Variants in PLXNA1 observed in about 807,000 individuals in gnomAD.
The protein encoded by PLXNA1 is plexin-A1.
PLXNA1 carries 77 observed loss-of-function variants against 191.7 expected under a neutral mutation model. The observed-to-expected ratio is 0.40, with a 90% confidence interval of 0.33 to 0.49. The LOEUF (loss-of-function observed/expected upper bound fraction) is 0.49. Among genes scored for constraint, PLXNA1 ranks in the 20% least tolerant of loss-of-function variants. PLXNA1 has a pLI of 0.63. For synonymous variants in PLXNA1, 1,137 were observed against 1,156.4 expected (o/e 0.98, Z 0.34); for missense variants, 2,110 against 2,660.2 (o/e 0.79, Z 4.55).
intron 31 of PLXNA1, among the ~76,000 whole-genome samples, chr3:127,033,089 G>C (rs2079220662): frequency 6.6e-6 from 1 of 152,236 alleles, no homozygotes; most frequent in African/African-American, 2.4e-5. Context: ...TGGGATGGCA[G>C]CTTCTTCCTG....
intron 9 of PLXNA1, 27 bp downstream of exon 9, chr3:127,007,940 G>C: frequency 6.7e-7 from 1 of 1,495,644 alleles, no homozygotes; most frequent in Non-Finnish European, 9.3e-7. Context: ...GTGAGGGTCA[G>C]GTTTTCAGAG....
Position 127,022,326 on chromosome 3 carries a change from A to G in PLXNA1, c.4280A>G (p.Lys1427Arg), listed in dbSNP as rs1319833116. The G allele has an allele frequency of 6.2e-7, 1 of 1,610,582 alleles. No individual in the cohort carries two copies. Among genetic ancestry groups the G allele is most frequent in the African/African-American group, 1.3e-5 (1 of 74,864 alleles). The change falls in exon 22 of 32, where the codon AAG (lysine) becomes AGG (arginine). Residue 1427 changes from lysine (K) to arginine (R), a missense_variant. This residue lies in a region of PLXNA1 where 559 missense variants were observed against 911.5 expected (regional missense o/e 0.61). Coordinates refer to ENST00000393409, the MANE Select transcript of PLXNA1 (RefSeq NM_032242.4). ...EKNLESKNHP[K>R]LLLRRTESVA... is the part of the protein sequence containing the mutation. ...AACCTGGAGAGCAAGAACCACCCCA[A>G]GCTGCTACTGCGCCGGTGAGCCTGG...
intron 22 of PLXNA1, 125 bp from the exon 23 acceptor site, chr3:127,022,627 C>T (rs1404771886): frequency 5.4e-6 from 5 of 929,504 alleles, no homozygotes; most frequent in Non-Finnish European, 8.5e-6. Context: ...CTTTCGAGAC[C>T]TGACCTTCGG....
chr3:126,985,500 C>G (rs867367225), intron 1 of PLXNA1, among the ~76,000 whole-genome samples: 1 of 151,952 alleles, frequency 6.6e-6, no homozygotes, highest in Non-Finnish European at 1.5e-5. Flanking sequence ...TTCTGCCCCC[C>G]ACCCCCACCA....
intron 25 of PLXNA1, 135 bp downstream of exon 25, chr3:127,028,475 C>T (rs2079188324): frequency 8.0e-6 from 8 of 996,212 alleles, no homozygotes; most frequent in East Asian, 7.9e-5. Flanking sequence ...AGTGGAATGG[C>T]GAGTGGGCTG....
rs575050762 is a variant in PLXNA1 at position 127,020,651 on chromosome 3, G to T, written c.4038+307G>T. On this transcript the variant is annotated intron_variant, in intron 21 of 31. Coordinates refer to ENST00000393409, the MANE Select transcript of PLXNA1 (RefSeq NM_032242.4). ...TCTGGCCCCAGGGCCTCCGTGGGAT[G>T]CCAGGCCTCATCCCAGCAAACCACT... 9.3e-4 allele frequency among the ~76,000 whole-genome samples: 141 copies of T among 152,342 alleles called. 1 individual carries two copies. Among genetic ancestry groups the T allele is most frequent in the African/African-American group, 3.4e-3 (140 of 41,588 alleles).
chr3:127,012,299 C>T (rs1166287484), intron 10 of PLXNA1, 141 bp downstream of exon 10: 2 of 877,232 alleles, frequency 2.3e-6, no homozygotes, highest in Non-Finnish European at 3.5e-6. Context: ...GAAGCCACTC[C>T]TGGCTTCCCC....
At position 126,989,243 on chromosome 3, in the gene PLXNA1, G is replaced by A. The variant is rs755703199; in HGVS notation, c.650G>A (p.Gly217Asp). The A allele has an allele frequency of 1.9e-6, 3 of 1,613,682 alleles. No individual in the cohort carries two copies. The highest frequency in any genetic ancestry group is 1.1e-5 in the South Asian group (1 of 91,088). The change falls in exon 2 of 32, where the codon GGC (glycine) becomes GAC (aspartate). Residue 217 changes from glycine (G) to aspartate (D), a missense_variant. Around this residue, in one of 4 missense-constraint regions of PLXNA1, gnomAD observed 903 missense variants for 1,015.7 expected, o/e 0.89. Transcript: ENST00000393409. Reference protein sequence around the residue: ...MANEEDADMFGFVYQDEFVSS... With the variant: ...MANEEDADMFDFVYQDEFVSS... ...AACGAGGAGGATGCCGACATGTTCG[G>A]CTTCGTGTACCAGGATGAGTTTGTG...
chr3:126,989,023 G>C lies in PLXNA1; in HGVS notation c.430G>C (p.Asp144His). ...GGGCATCTGCCAGTTCCTGCGTCTG[G>C]ACGATCTCTTCAAACTGGGTGAGCC... Reference protein sequence around the residue: ...SQGICQFLRLDDLFKLGEPHH... With the variant: ...SQGICQFLRLHDLFKLGEPHH... The change falls in exon 2 of 32, where the codon GAC becomes CAC. Residue 144 changes from aspartate to histidine, a missense_variant. This residue lies in a region of PLXNA1 where 903 missense variants were observed against 1,015.7 expected (regional missense o/e 0.89). Transcript: ENST00000393409. 1 of 1,613,316 alleles carries C rather than the reference G, an allele frequency of 6.2e-7. No homozygotes were observed. Among genetic ancestry groups the C allele is most frequent in the African/African-American group, 1.3e-5 (1 of 75,068 alleles).
At chr3:127,024,811 G>A (rs2079169275) in intron 23 of PLXNA1, among the ~76,000 whole-genome samples, 1 of 152,184 alleles carries the variant, frequency 6.6e-6, no homozygotes, top group Non-Finnish European at 1.5e-5. Flanking sequence ...ATGGGACTGA[G>A]ATGGGCCTAG....
chr3:127,014,624 G>C lies in PLXNA1; in HGVS notation c.2751G>C (p.Ala917=), dbSNP rs567247021. The C allele has an allele frequency of 6.2e-7, 1 of 1,612,944 alleles. No individual in the cohort carries two copies. The highest frequency in any genetic ancestry group is 1.3e-5 in the African/African-American group (1 of 74,932). ...CSPVESEYIS[A]EQIVCEIGDA... ...CTGTGGAGAGCGAGTACATCAGTGC[G>C]GAGCAGTGAGTGCAGCCCTGGGTGT... The change falls in exon 13 of 32, where the codon GCG becomes GCC. Residue 917 remains alanine, a synonymous_variant. Coordinates refer to ENST00000393409, the MANE Select transcript of PLXNA1 (RefSeq NM_032242.4).
At chr3:127,017,284 G>A in intron 17 of PLXNA1, 141 bp from the exon 18 acceptor site, 1 of 1,264,714 alleles carries the variant, frequency 7.9e-7, no homozygotes, top group East Asian at 2.5e-5. Flanking sequence ...CACGTCGGGT[G>A]GGTGGCCCAG....
chr3:127,025,443 A>G (rs1039970123), intron 23 of PLXNA1, among the ~76,000 whole-genome samples: 1 of 152,234 alleles, frequency 6.6e-6, no homozygotes, highest in African/African-American at 2.4e-5. Context: ...AAAATTTGTT[A>G]TGGTGAAATA....
In PLXNA1 at chr3:127,022,243, C is replaced by T. The variant is rs1412444627; in HGVS notation, c.4197C>T (p.Gly1399=). 2.5e-6 allele frequency: 4 copies of T among 1,613,444 alleles called. No homozygotes were observed. The highest frequency in any genetic ancestry group is 2.2e-5 in the East Asian group (1 of 44,876). The part of the protein sequence containing the change: ...VASLIMTALQ[G]EMEYATGVLK... The stretch of plus-strand genomic sequence containing the variant: ...CGCTCATCATGACGGCCCTGCAGGG[C>T]GAGATGGAATACGCCACAGGCGTGC... Residue 1399 remains glycine, a synonymous_variant, in exon 22 of 32, where the codon GGC becomes GGT. Coordinates refer to ENST00000393409, the MANE Select transcript of PLXNA1 (RefSeq NM_032242.4).
chr3:127,034,144 G>GCCCT lies in PLXNA1; in HGVS notation c.*135_*138dup. On this transcript the variant is annotated 3_prime_UTR_variant, in exon 32 of 32. Transcript: ENST00000393409. ...GCCGCCGCAGTGCAGCGACTGCCCG[G>GCCCT]CCCTCCCTCCCCTGCCTCACCCGGT... 1.2e-6 allele frequency: 1 copy of GCCCT among 828,866 alleles called. No homozygotes were observed. The highest frequency in any genetic ancestry group is 1.9e-5 in the South Asian group (1 of 53,856). 51.3% of individuals were successfully genotyped at this position (828,866 alleles called of 1,614,324 possible). A position where few individuals can be genotyped will look rare whatever the true frequency, so the allele number is the denominator to read the frequency against.
chr3:127,025,855 G>C (rs1451984170), intron 23 of PLXNA1, among the ~76,000 whole-genome samples: 1 of 152,218 alleles, frequency 6.6e-6, no homozygotes, highest in Non-Finnish European at 1.5e-5. Flanking sequence ...GCTGCAACAT[G>C]GATGAACTTT....
intron 23 of PLXNA1, chr3:127,027,504 G>T (rs1559965788): frequency 2.7e-6 from 1 of 370,548 alleles, no homozygotes; most frequent in Non-Finnish European, 5.3e-6. Context: ...GTCCGCTTGT[G>T]CCATGGGCGG....
chr3:126,998,005 A>T (rs753372846), intron 3 of PLXNA1, among the ~76,000 whole-genome samples: 1 of 152,068 alleles, frequency 6.6e-6, no homozygotes, highest in Non-Finnish European at 1.5e-5. Context: ...TGTGGTCCCA[A>T]CCACAGCAGA....
chr3:127,016,961 C>T lies in PLXNA1; in HGVS notation c.3200C>T (p.Thr1067Met), dbSNP rs568481403. The change falls in exon 17 of 32, where the codon ACG becomes ATG. Residue 1067 changes from threonine to methionine, a missense_variant. Thr to Met is a moderately conservative substitution (Grantham distance 81). This residue lies in a region of PLXNA1 where 644 missense variants were observed against 714.3 expected (regional missense o/e 0.90). Coordinates refer to ENST00000393409, the MANE Select transcript of PLXNA1 (RefSeq NM_032242.4). ...TGTTCCAGCGGTGGGACCCTCCTGACGGTCACAGGCACCAACCTGGCCACT... is the reference window on the plus strand; with the variant it reads ...TGTTCCAGCGGTGGGACCCTCCTGATGGTCACAGGCACCAACCTGGCCACT... ...WSINSGGTLL[T>M]VTGTNLATVR... The T allele has an allele frequency of 6.4e-5, 103 of 1,613,154 alleles. No individual in the cohort carries two copies. Among genetic ancestry groups the T allele is most frequent in the East Asian group, 1.8e-4 (8 of 44,878 alleles).
Sources: allele counts gnomAD v4.1 joint callset (sites outside exome capture counted in the v4.1 genomes callset), GRCh38; gene constraint gnomAD v4.1.1; regional missense constraint gnomAD v4.1.1; transcripts MANE v1.5; gene names NCBI Gene and HGNC (gene_info 2026-07-23, HGNC 2026-07-21).